RGS17: variants seen among roughly 807,000 people sequenced by gnomAD.
RGS17 encodes regulator of G protein signaling 17.
A neutral mutation model predicts 25.5 loss-of-function variants in RGS17; 12 were observed. That is an observed-to-expected ratio of 0.47 (90% CI 0.30 to 0.76). The LOEUF (loss-of-function observed/expected upper bound fraction) is 0.76, where lower values mean the gene tolerates loss of function less well. Among genes scored for constraint, RGS17 ranks in the 30% least tolerant of loss-of-function variants. RGS17 has a pLI of 0.07. For synonymous variants in RGS17, 71 were observed against 76.9 expected (o/e 0.92, Z 0.40); for missense variants, 196 against 242.2 (o/e 0.81, Z 1.27).
intron 1 of RGS17, among the ~76,000 whole-genome samples, chr6:153,046,515 TAAAA>T (rs1776386548): frequency 6.6e-6 from 1 of 151,390 alleles, no homozygotes; most frequent in African/African-American, 2.4e-5. Context: ...AAATAAATAA[TAAAA>T]TAAAATAAAT....
intron 1 of RGS17, among the ~76,000 whole-genome samples, chr6:153,079,011 ATCTG>A (rs1776929033): frequency 6.6e-6 from 1 of 151,980 alleles, no homozygotes; most frequent in African/African-American, 2.4e-5. Flanking sequence ...TTCCTTTTCT[ATCTG>A]TATTTCTTTT....
At chr6:153,072,213 C>T (rs374378583) in intron 1 of RGS17, among the ~76,000 whole-genome samples, 7 of 152,094 alleles carry the variant, frequency 4.6e-5, no homozygotes, top group African/African-American at 1.4e-4. Context: ...ATTCACCACA[C>T]TGATGGAAAA....
At chr6:153,012,416 A>G (rs1779143512) in intron 4 of RGS17, among the ~76,000 whole-genome samples, 1 of 152,228 alleles carries the variant, frequency 6.6e-6, no homozygotes. Context: ...GAGGAGAAAT[A>G]GGAATAGGAA....
intron 1 of RGS17, among the ~76,000 whole-genome samples, chr6:153,118,350 A>C (rs918103494): frequency 6.6e-6 from 1 of 152,252 alleles, no homozygotes; most frequent in African/African-American, 2.4e-5. Flanking sequence ...GCAAACCTGC[A>C]TCTTCAGCAG....
At position 153,011,668 on chromosome 6, in the gene RGS17, G is replaced by A. The variant is rs753316001; in HGVS notation, c.539C>T (p.Thr180Ile). Residue 180 changes from threonine (T) to isoleucine (I), a missense_variant, in exon 5 of 5, where the codon ACT becomes ATT. Thr to Ile is a moderately conservative substitution (Grantham distance 89). Transcript: ENST00000206262. ...TGGAAAAGAATCTCTGTGCATTAAA[G>A]TATATATCTGAAGTTGGGCATCTTC... The part of the protein sequence containing the change: ...MYEDAQLQIY[T>I]LMHRDSFPRF... The A allele has an allele frequency of 6.2e-7, 1 of 1,611,846 alleles. No homozygotes were observed. The highest frequency in any genetic ancestry group is 8.5e-7 in the Non-Finnish European group (1 of 1,178,088).
In RGS17 at chr6:153,009,645, AATG is replaced by A. The variant is rs990109865; in HGVS notation, c.*1926_*1928del. ...GAAAACACAGGCATTTGTTAAAAGAAATGATTATTATAAATATTTTCTATCTTG... is the reference window on the plus strand; with the variant it reads ...GAAAACACAGGCATTTGTTAAAAGAAATTATTATAAATATTTTCTATCTTG... On this transcript the variant is annotated 3_prime_UTR_variant, in exon 5 of 5. Transcript: ENST00000206262. 18 of 152,092 alleles carry A rather than the reference AATG, an allele frequency of 1.2e-4. No homozygotes were observed. Among genetic ancestry groups the A allele is most frequent in the African/African-American group, 4.3e-4 (18 of 41,558 alleles). The allele number at this position is 152,092 out of a possible 1,614,324, so 9.4% of individuals were successfully genotyped here.
intron 1 of RGS17, among the ~76,000 whole-genome samples, chr6:153,104,833 A>AAAAAG (rs981354353): frequency 6.6e-6 from 1 of 151,998 alleles, no homozygotes; most frequent in Non-Finnish European, 1.5e-5. Context: ...CAAAAAAAAA[A>AAAAAG]AAAAGAAAAG....
At chr6:153,061,458 T>C (rs1176344136) in intron 1 of RGS17, among the ~76,000 whole-genome samples, 1 of 152,128 alleles carries the variant, frequency 6.6e-6, no homozygotes, top group Non-Finnish European at 1.5e-5. Context: ...AATATTTCAA[T>C]ACACGTAAAG....
chr6:153,043,890 C>A lies in RGS17; in HGVS notation c.119+10G>T, dbSNP rs1320737144. On this transcript the variant is annotated intron_variant, in intron 2 of 4. Coordinates refer to ENST00000206262, the MANE Select transcript of RGS17 (RefSeq NM_012419.5). ...CCTGGGTGTGGCATCCTACAGGTAA[C>A]ATGACATACCAGGAGCAGCTGCAAC... The A allele has an allele frequency of 6.3e-7, 1 of 1,579,026 alleles. No homozygotes were observed. The highest frequency in any genetic ancestry group is 1.4e-5 in the African/African-American group (1 of 73,674).
intron 2 of RGS17, among the ~76,000 whole-genome samples, chr6:153,027,607 T>C (rs598623): frequency 0.42 from 64,555 of 152,022 alleles, 13,860 homozygotes; most frequent in South Asian, 0.54. Flanking sequence ...GTGCCTGTTA[T>C]GTGCTGGGCA....
chr6:153,029,775 G>A (rs1443737255), intron 2 of RGS17, among the ~76,000 whole-genome samples: 1 of 152,048 alleles, frequency 6.6e-6, no homozygotes, highest in Non-Finnish European at 1.5e-5. Flanking sequence ...ATTTTTAGTA[G>A]AGACAGGGTT....
At chr6:153,129,692 T>A (rs529869431) in intron 1 of RGS17, among the ~76,000 whole-genome samples, 1 of 152,298 alleles carries the variant, frequency 6.6e-6, no homozygotes, top group South Asian at 2.1e-4. Context: ...GTGAAAGCCA[T>A]CCCACGCTGG....
At chr6:153,049,247 G>C (rs1268985940) in intron 1 of RGS17, among the ~76,000 whole-genome samples, 9 of 151,940 alleles carry the variant, frequency 5.9e-5, no homozygotes, top group Admixed American at 5.2e-4. Context: ...TAATACACTA[G>C]TAATAATGAA....
chr6:153,029,630 G>A (rs966614256), intron 2 of RGS17, among the ~76,000 whole-genome samples: 1 of 147,070 alleles, frequency 6.8e-6, no homozygotes, highest in Non-Finnish European at 1.5e-5. Context: ...TTGCTCTGTT[G>A]CCCAGGCTGG....
intron 1 of RGS17, among the ~76,000 whole-genome samples, chr6:153,050,096 A>G (rs997864950): frequency 6.6e-5 from 10 of 152,210 alleles, no homozygotes; most frequent in Non-Finnish European, 1.5e-4. Flanking sequence ...GCACTTACAT[A>G]TAAAAAATTA....
At chr6:153,112,148 A>G (rs1777480136) in intron 1 of RGS17, among the ~76,000 whole-genome samples, 1 of 152,212 alleles carries the variant, frequency 6.6e-6, no homozygotes, top group Non-Finnish European at 1.5e-5. Flanking sequence ...CAGCTAAAGA[A>G]GCATGTTCTA....
At chr6:153,044,670 C>G (rs960617590) in intron 1 of RGS17, among the ~76,000 whole-genome samples, 2 of 152,170 alleles carry the variant, frequency 1.3e-5, no homozygotes, top group Non-Finnish European at 2.9e-5. Context: ...CTTCTTCCAT[C>G]CCCCAAATTT....
intron 1 of RGS17, among the ~76,000 whole-genome samples, chr6:153,117,912 T>G (rs1777566866): frequency 6.6e-6 from 1 of 152,206 alleles, no homozygotes. Flanking sequence ...AACAGAGCAG[T>G]AAATACTGTT....
intron 1 of RGS17, among the ~76,000 whole-genome samples, chr6:153,098,728 G>A (rs1777254146): frequency 1.3e-5 from 2 of 152,158 alleles, no homozygotes; most frequent in Admixed American, 6.5e-5. Flanking sequence ...TCAAAGTCAA[G>A]TTAAAGTGTG....
Sources: allele counts gnomAD v4.1 joint callset (sites outside exome capture counted in the v4.1 genomes callset), GRCh38; gene constraint gnomAD v4.1.1; transcripts MANE v1.5; gene names NCBI Gene and HGNC (gene_info 2026-07-23, HGNC 2026-07-21).